Variants in CD81 observed in about 807,000 individuals in gnomAD.
CD81 encodes CD81 molecule.
CD81 carries 10 observed loss-of-function variants against 30.1 expected under a neutral mutation model. The ratio of observed to expected loss-of-function variants is 0.33; its 90% confidence interval spans 0.21 to 0.56. CD81 has a LOEUF of 0.56. Ranked by LOEUF, CD81 falls within the 20% of genes least tolerant of loss-of-function variation. The pLI is 0.89. For synonymous variants in CD81, 147 were observed against 126.4 expected (o/e 1.16, Z -1.10); for missense variants, 263 against 308.7 (o/e 0.85, Z 1.11).
At chr11:2,395,315 C>G in intron 4 of CD81, 101 bp from the exon 5 acceptor site, 1 of 968,308 alleles carries the variant, frequency 1.0e-6, no homozygotes, top group East Asian at 2.6e-5. Context: ...GCCACCCTGC[C>G]CAGGGAGAGC....
rs1287220947 is a variant in CD81, at chr11:2,394,099, C to T, written c.186C>T (p.Ile62=). 6.2e-7 allele frequency: 1 copy of T among 1,612,506 alleles called. No individual in the cohort carries two copies. Among genetic ancestry groups the T allele is most frequent in the Admixed American group, 1.7e-5 (1 of 60,016 alleles). The part of the protein sequence containing the change: ...KPAPNTFYVG[I]YILIAVGAVM... The stretch of plus-strand genomic sequence containing the variant: ...TGGTGTCTCTCTCCCCGCAAGGCAT[C>T]TACATCCTCATCGCTGTGGGCGCTG... Residue 62 remains isoleucine (I), a synonymous_variant, in exon 3 of 8, where the codon ATC becomes ATT. Transcript: ENST00000263645.
chr11:2,379,666 TC>T (rs1469449400), intron 1 of CD81, among the ~76,000 whole-genome samples: 13 of 151,996 alleles, frequency 8.6e-5, no homozygotes, highest in Admixed American at 1.3e-4. Context: ...CCTGGAAGTT[TC>T]CCAGGCAGCT....
chr11:2,396,614 G>A lies in CD81; in HGVS notation c.562-14G>A. On this transcript the variant is annotated splice_polypyrimidine_tract_variant and intron_variant, in intron 6 of 7. Coordinates refer to ENST00000263645, the MANE Select transcript of CD81 (RefSeq NM_004356.4). ...GCCCGGTCCCTGACCACGCGTGCCT[G>A]GCCACCCCTGCAGGAGGACTGCCAC... is the stretch of plus-strand genomic sequence containing the variant. 1 of 1,608,904 alleles carries A rather than the reference G, an allele frequency of 6.2e-7. No individual in the cohort carries two copies. Among genetic ancestry groups the A allele is most frequent in the Non-Finnish European group, 8.5e-7 (1 of 1,178,852 alleles).
intron 1 of CD81, among the ~76,000 whole-genome samples, chr11:2,388,479 G>T (rs1375031340): frequency 6.6e-6 from 1 of 152,234 alleles, no homozygotes; most frequent in African/African-American, 2.4e-5. Context: ...TCCCTGGCCA[G>T]GGCCATTGGA....
At chr11:2,391,266 C>T (rs1849894071) in intron 2 of CD81, 1 of 154,514 alleles carries the variant, frequency 6.5e-6, no homozygotes, top group Admixed American at 6.3e-5. Context: ...CTGTTGCCCT[C>T]ACAGGCTGAG....
At chr11:2,395,153 G>T in intron 4 of CD81, 107 bp downstream of exon 4, 1 of 948,956 alleles carries the variant, frequency 1.1e-6, no homozygotes, top group Non-Finnish European at 1.7e-6. Flanking sequence ...AGCTCTTTGG[G>T]CTCTTCCTGG....
chr11:2,394,702 C>A, intron 3 of CD81: 1 of 579,022 alleles, frequency 1.7e-6, no homozygotes, highest in South Asian at 1.9e-5. Flanking sequence ...CAGCCTGTGA[C>A]CCCAAACCAC....
rs1023882418 is a variant in CD81, at chr11:2,397,044, T to C, written c.*178T>C. 7.8e-5 allele frequency: 52 copies of C among 667,460 alleles called. No individual in the cohort carries two copies. The highest frequency in any genetic ancestry group is 4.4e-5 in the Admixed American group (2 of 45,274). 41.3% of individuals were successfully genotyped at this position (667,460 alleles called of 1,614,324 possible). ...AACTTTCCTGTTACCTTTTCAGGGC[T>C]GACGTCACATGTAGGTGGCGTGTAT... On this transcript the variant is annotated 3_prime_UTR_variant, in exon 8 of 8. Coordinates refer to ENST00000263645, the MANE Select transcript of CD81 (RefSeq NM_004356.4).
chr11:2,382,726 A>G (rs2133443851), intron 1 of CD81, among the ~76,000 whole-genome samples: 1 of 152,352 alleles, frequency 6.6e-6, no homozygotes, highest in East Asian at 1.9e-4. Context: ...GCGGTGCAGA[A>G]CTAATCTCAA....
chr11:2,391,717 G>C (rs1290968286), intron 2 of CD81: 1 of 152,324 alleles, frequency 6.6e-6, no homozygotes, highest in Non-Finnish European at 1.5e-5. Context: ...CTCACAGGTG[G>C]TGTCAGGAAG....
At chr11:2,390,599 G>T in intron 2 of CD81, 73 bp downstream of exon 2, 1 of 1,082,132 alleles carries the variant, frequency 9.2e-7, no homozygotes. Context: ...CCTTTTGGAT[G>T]GGGACATGGA....
At chr11:2,389,287 A>T (rs752927963) in intron 1 of CD81, among the ~76,000 whole-genome samples, 2 of 152,200 alleles carry the variant, frequency 1.3e-5, no homozygotes, top group Non-Finnish European at 2.9e-5. Flanking sequence ...ACTCAGGGTC[A>T]CTGGTCATTT....
intron 2 of CD81, chr11:2,393,866 A>T (rs529011055): frequency 4.4e-6 from 3 of 686,852 alleles, no homozygotes; most frequent in Admixed American, 4.0e-5. Context: ...CCCAGTCCCC[A>T]TGTGGCCTCC....
intron 2 of CD81, chr11:2,392,042 GA>G (rs1849909552): frequency 6.6e-6 from 1 of 152,398 alleles, no homozygotes; most frequent in Admixed American, 6.5e-5. Context: ...CCCCGGCCTG[GA>G]ACGAGGCTGC....
chr11:2,386,906 G>A (rs1291480551), intron 1 of CD81, among the ~76,000 whole-genome samples: 1 of 152,250 alleles, frequency 6.6e-6, no homozygotes, highest in African/African-American at 2.4e-5. Context: ...CCTCGGCAGA[G>A]GCCTGGGGCC....
chr11:2,395,285 C>G, intron 4 of CD81, 131 bp from the exon 5 acceptor site: 2 of 798,940 alleles, frequency 2.5e-6, no homozygotes, highest in Non-Finnish European at 4.3e-6. Flanking sequence ...AGTCCTTGTC[C>G]TCTGGGGTCT....
rs560645030 is a variant in CD81, at chr11:2,385,567, C to G, written c.67-4845C>G. 2.6e-5 allele frequency: 7 copies of G among 269,962 alleles called. No individual in the cohort carries two copies. In the East Asian group the frequency reaches 5.2e-4, roughly 20 times the overall value. 16.7% of individuals were successfully genotyped at this position (269,962 alleles called of 1,614,324 possible). On this transcript the variant is annotated intron_variant, in intron 1 of 7. Coordinates refer to ENST00000263645, the MANE Select transcript of CD81 (RefSeq NM_004356.4). ...TGTGTGGCATGCCTGTCTGTGCACC[C>G]GTGCTGTGGCGTGCCCGTCGTCTGT...
intron 2 of CD81, chr11:2,393,641 C>T (rs954619434): frequency 1.6e-4 from 83 of 518,334 alleles, no homozygotes; most frequent in African/African-American, 1.4e-3. Context: ...CTGGGCTGCC[C>T]TCTCAACCCC....
intron 2 of CD81, chr11:2,391,670 C>T (rs1399443492): frequency 6.6e-6 from 1 of 152,060 alleles, no homozygotes; most frequent in Non-Finnish European, 1.5e-5. Context: ...CATGGCCCTG[C>T]CCATAGGTTC....
Sources: allele counts gnomAD v4.1 joint callset (sites outside exome capture counted in the v4.1 genomes callset), GRCh38; gene constraint gnomAD v4.1.1; transcripts MANE v1.5; gene names NCBI Gene and HGNC (gene_info 2026-07-23, HGNC 2026-07-21).